Variants in XPO6 observed in about 807,000 individuals in gnomAD.
The protein encoded by XPO6 is exportin 6.
Under a neutral mutation model 130.0 loss-of-function variants are expected in XPO6, and 3 were observed. That is an observed-to-expected ratio of 0.02 (90% CI 0.01 to 0.06). The LOEUF is 0.06. XPO6 is among the 10% of genes least tolerant of loss of function. The pLI is 1.00. For synonymous variants in XPO6, 524 were observed against 548.9 expected, an observed-to-expected ratio of 0.95 and a Z score of 0.63; for missense variants, 970 against 1,393.0, an observed-to-expected ratio of 0.70 and a Z score of 4.83.
intron 4 of XPO6, among the ~76,000 whole-genome samples, chr16:28,171,776 T>C (rs980819399): frequency 2.0e-5 from 3 of 152,236 alleles, no homozygotes; most frequent in African/African-American, 7.2e-5. Flanking sequence ...GATCATGCAG[T>C]GTAGGGAGGA....
At chr16:28,161,683 C>T (rs2043281350) in intron 6 of XPO6, among the ~76,000 whole-genome samples, 1 of 152,140 alleles carries the variant, frequency 6.6e-6, no homozygotes, top group African/African-American at 2.4e-5. Context: ...TATGCATATT[C>T]TCATTTAATA....
In XPO6 at chr16:28,152,915, G is replaced by A. The variant is rs1006647462; in HGVS notation, c.1098-130C>T. ...TATATTTTCTTTTAAAAATATAAAG[G>A]CCTGCAACAATTACCTACAGGACAG... On this transcript the variant is annotated intron_variant, in intron 7 of 23. Transcript: ENST00000304658. 7 of 1,404,156 alleles carry A rather than the reference G, an allele frequency of 5.0e-6. 1 individual carries two copies. The African/African-American group carries it at 9.0e-5, about 18-fold the overall frequency. The allele number at this position is 1,404,156 out of a possible 1,614,324, so 87.0% of individuals were successfully genotyped here. A position where few individuals can be genotyped will look rare whatever the true frequency, so the allele number is the denominator to read the frequency against.
At chr16:28,109,727 A>G (rs2086873221) in intron 17 of XPO6, among the ~76,000 whole-genome samples, 1 of 152,232 alleles carries the variant, frequency 6.6e-6, no homozygotes, top group South Asian at 2.1e-4. Context: ...CAAACACAAT[A>G]AAACTATCCT....
chr16:28,118,423 C>T (rs906379109), intron 14 of XPO6, among the ~76,000 whole-genome samples: 3 of 152,184 alleles, frequency 2.0e-5, no homozygotes, highest in South Asian at 2.1e-4. Flanking sequence ...TGCAGGGGCA[C>T]GATCATGGCT....
At chr16:28,175,791 C>T (rs1011258913) in intron 4 of XPO6, 107 bp downstream of exon 4, 9 of 880,266 alleles carry the variant, frequency 1.0e-5, no homozygotes, top group Admixed American at 2.2e-5. Flanking sequence ...AACCTCACTA[C>T]TGCAGTTCCA....
chr16:28,126,628 A>T (rs143604578), intron 12 of XPO6: 1 of 152,326 alleles, frequency 6.6e-6, no homozygotes, highest in East Asian at 1.9e-4. Context: ...TTTTCAACAC[A>T]ACTTCTTCAA....
At chr16:28,172,347 C>T (rs370694174) in intron 4 of XPO6, among the ~76,000 whole-genome samples, 1 of 152,164 alleles carries the variant, frequency 6.6e-6, no homozygotes, top group South Asian at 2.1e-4. Context: ...AGAACAAGTT[C>T]AGGTTTCTAG....
At chr16:28,100,699 A>G (rs915344362) in intron 23 of XPO6, among the ~76,000 whole-genome samples, 3 of 152,242 alleles carry the variant, frequency 2.0e-5, no homozygotes, top group African/African-American at 7.2e-5. Flanking sequence ...GGTACAAGGA[A>G]AAGTTCCCAG....
chr16:28,185,099 T>C (rs1469005998), intron 1 of XPO6, among the ~76,000 whole-genome samples: 2 of 152,240 alleles, frequency 1.3e-5, no homozygotes, highest in Non-Finnish European at 2.9e-5. Flanking sequence ...GAATTAATAT[T>C]GCTACATGCA....
intron 6 of XPO6, among the ~76,000 whole-genome samples, chr16:28,163,490 C>T (rs1400061361): frequency 6.6e-6 from 1 of 152,238 alleles, no homozygotes; most frequent in Non-Finnish European, 1.5e-5. Flanking sequence ...TAATCTCATT[C>T]TGTGCACTTT....
intron 1 of XPO6, among the ~76,000 whole-genome samples, chr16:28,181,464 A>G (rs1431969025): frequency 4.0e-5 from 6 of 151,798 alleles, no homozygotes; most frequent in African/African-American, 1.4e-4. Context: ...CACAGCACTT[A>G]TATCAAACAG....
intron 11 of XPO6, among the ~76,000 whole-genome samples, chr16:28,133,519 G>T (rs182322783): frequency 2.0e-4 from 31 of 152,200 alleles, no homozygotes; most frequent in Admixed American, 1.7e-3. Flanking sequence ...CTTTACAAAG[G>T]CCAGCTTTTC....
chr16:28,112,066 G>A (rs761005034), intron 16 of XPO6, 60 bp from the exon 17 acceptor site: 109 of 1,528,646 alleles, frequency 7.1e-5, no homozygotes, highest in Non-Finnish European at 8.8e-5. Context: ...GGTGCGGCAT[G>A]CCCAACACAG....
intron 7 of XPO6, 192 bp downstream of exon 7, chr16:28,155,882 C>CA (rs2043176379): frequency 7.4e-7 from 1 of 1,355,378 alleles, no homozygotes; most frequent in Non-Finnish European, 9.5e-7. Context: ...TTTTCAAACT[C>CA]AGTCACTTCC....
intron 9 of XPO6, among the ~76,000 whole-genome samples, chr16:28,140,631 T>C (rs544961703): frequency 6.8e-6 from 1 of 148,128 alleles, no homozygotes; most frequent in South Asian, 2.1e-4. Context: ...TGAGCCAAGA[T>C]CACGCCACTG....
At chr16:28,107,919 C>T (rs1050418061) in intron 17 of XPO6, among the ~76,000 whole-genome samples, 3 of 152,116 alleles carry the variant, frequency 2.0e-5, no homozygotes, top group Non-Finnish European at 2.9e-5. Flanking sequence ...GAGAAGATGC[C>T]TGCCTGCCTG....
chr16:28,121,919 T>C (rs1480749628), intron 13 of XPO6, among the ~76,000 whole-genome samples, 157 bp from the exon 14 acceptor site: 1 of 151,148 alleles, frequency 6.6e-6, no homozygotes. Flanking sequence ...AAGGAAATAA[T>C]CTGAGATATG....
chr16:28,126,830 T>A (rs981808801), intron 12 of XPO6: 1 of 151,780 alleles, frequency 6.6e-6, no homozygotes, highest in African/African-American at 2.4e-5. Flanking sequence ...GAGGGTGGGG[T>A]GGTAACACCA....
chr16:28,143,045 T>C (rs1331103588), intron 9 of XPO6, among the ~76,000 whole-genome samples: 1 of 152,220 alleles, frequency 6.6e-6, no homozygotes, highest in African/African-American at 2.4e-5. Flanking sequence ...AAAGGCATTA[T>C]ATGAAAGTGT....
Sources: allele counts gnomAD v4.1 joint callset (sites outside exome capture counted in the v4.1 genomes callset), GRCh38; gene constraint gnomAD v4.1.1; transcripts MANE v1.5; gene names NCBI Gene and HGNC (gene_info 2026-07-23, HGNC 2026-07-21).